PPP2R2B: variants seen among roughly 807,000 people sequenced by gnomAD.
PPP2R2B encodes protein phosphatase 2 regulatory subunit Bbeta, also known as serine/threonine-protein phosphatase 2A 55 kDa regulatory subunit B beta isoform.
A neutral mutation model predicts 46.0 loss-of-function variants in PPP2R2B; 5 were observed. The ratio of observed to expected loss-of-function variants is 0.11; its 90% CI spans 0.06 to 0.23. The LOEUF (loss-of-function observed/expected upper bound fraction) is 0.23, where lower values mean the gene tolerates loss of function less well. Among genes scored for constraint, PPP2R2B ranks in the 10% least tolerant of loss-of-function variants. The pLI is 1.00. For missense variants in PPP2R2B, 367 were observed against 575.0 expected, an observed-to-expected ratio of 0.64 and a Z score of 3.70; for synonymous variants, 215 against 206.7, an observed-to-expected ratio of 1.04 and a Z score of -0.34.
At chr5:146,928,141 T>C (rs2915833) in intron 1 of PPP2R2B, among the ~76,000 whole-genome samples, 25,458 of 152,106 alleles carry the variant, frequency 0.17, 2,347 homozygotes, top group East Asian at 0.27. Flanking sequence ...GGAACATGTC[T>C]TTTTTTACTT....
At chr5:146,707,597 ATGGTGGAGG>A in intron 2 of PPP2R2B, 1 of 670,940 alleles carries the variant, frequency 1.5e-6, no homozygotes. Flanking sequence ...CCTGATGGAC[ATGGTGGAGG>A]CAGGAGTGGA....
At chr5:146,995,760 GA>G (rs1382242376) in intron 1 of PPP2R2B, among the ~76,000 whole-genome samples, 1 of 152,186 alleles carries the variant, frequency 6.6e-6, no homozygotes, top group African/African-American at 2.4e-5. Flanking sequence ...AGTAAGACCA[GA>G]ACAGGGGAAA....
chr5:146,942,290 G>T (rs996528004), intron 1 of PPP2R2B, among the ~76,000 whole-genome samples: 2 of 152,120 alleles, frequency 1.3e-5, no homozygotes, highest in African/African-American at 4.8e-5. Flanking sequence ...GTATAAAGAA[G>T]AAATTAAAAA....
intron 1 of PPP2R2B, among the ~76,000 whole-genome samples, chr5:147,045,208 C>T (rs1013365413): frequency 1.3e-5 from 2 of 152,036 alleles, no homozygotes; most frequent in Non-Finnish European, 2.9e-5. Flanking sequence ...TTTGTGTGTC[C>T]CACCCCTTAA....
intron 2 of PPP2R2B, among the ~76,000 whole-genome samples, chr5:146,736,018 G>A (rs916658364): frequency 2.0e-5 from 3 of 152,238 alleles, no homozygotes; most frequent in Admixed American, 6.5e-5. Flanking sequence ...TAATCCCCAC[G>A]TGTTATGGGA....
chr5:146,704,561 C>T (rs995586351), intron 2 of PPP2R2B, among the ~76,000 whole-genome samples: 4 of 152,110 alleles, frequency 2.6e-5, no homozygotes, highest in Non-Finnish European at 5.9e-5. Context: ...AAACAAAAGC[C>T]AGAAACAGCT....
chr5:146,785,964 A>G (rs1582099426), intron 2 of PPP2R2B, among the ~76,000 whole-genome samples: 1 of 152,164 alleles, frequency 6.6e-6, no homozygotes, highest in African/African-American at 2.4e-5. Flanking sequence ...AGTGTTCGAT[A>G]GCACAGTAGG....
In PPP2R2B at chr5:146,580,788, A is replaced by G. The variant is rs113796744; in HGVS notation, c.*9159T>C. Among the ~76,000 whole-genome samples, 980 of 151,922 alleles carry G rather than the reference A, an allele frequency of 6.5e-3. 4 individuals carry two copies. The highest frequency in any genetic ancestry group is 0.022 in the African/African-American group (929 of 41,414). Reference sequence around the variant, plus strand: ...GAATGCTAGATAACATGGAAAAGCTATAATTACTGTTCTTGGTGAAGCCTC... The same window carrying G: ...GAATGCTAGATAACATGGAAAAGCTGTAATTACTGTTCTTGGTGAAGCCTC... On this transcript the variant is annotated 3_prime_UTR_variant, in exon 10 of 10. Transcript: ENST00000394411.
intron 5 of PPP2R2B, among the ~76,000 whole-genome samples, chr5:146,680,288 C>T (rs1166242802): frequency 9.4e-5 from 14 of 149,046 alleles, no homozygotes; most frequent in East Asian, 6.0e-4. Flanking sequence ...AGTAAACTAT[C>T]GCAAGAACAA....
At chr5:146,592,614 G>C (rs1770766973) in intron 9 of PPP2R2B, among the ~76,000 whole-genome samples, 1 of 152,252 alleles carries the variant, frequency 6.6e-6, no homozygotes, top group African/African-American at 2.4e-5. Flanking sequence ...GATCTGGAAA[G>C]CCTACTTGGC....
intron 5 of PPP2R2B, among the ~76,000 whole-genome samples, chr5:146,670,048 C>A (rs569128919): frequency 6.6e-6 from 1 of 152,254 alleles, no homozygotes; most frequent in East Asian, 1.9e-4. Context: ...AATTATGACA[C>A]TTTTATATCT....
At chr5:146,989,291 C>A (rs1419243706) in intron 1 of PPP2R2B, among the ~76,000 whole-genome samples, 9 of 151,868 alleles carry the variant, frequency 5.9e-5, no homozygotes, top group Admixed American at 5.9e-4. Flanking sequence ...GACAAGGACA[C>A]AACAAAAAAG....
rs1417686897 is a variant in PPP2R2B at position 146,600,386 on chromosome 5, A to G, written c.865T>C (p.Phe289Leu). 3.1e-6 allele frequency: 5 copies of G among 1,613,984 alleles called. No individual in the cohort carries two copies. Among genetic ancestry groups the G allele is most frequent in the Non-Finnish European group, 4.2e-6 (5 of 1,179,938 alleles). Reference protein sequence around the residue: ...EIISSISDVKFSHSGRYIMTR... With the variant: ...EIISSISDVKLSHSGRYIMTR... ...ATGATATACCTCCCACTGTGGCTGA[A>G]CTTCACATCCGAAATCGAAGAGATA... Residue 289 changes from phenylalanine (F) to leucine (L), a missense_variant, in exon 8 of 10, where the codon TTC becomes CTC. By Grantham distance (22) the Phe-to-Leu change is conservative. Around this residue, in one of 2 missense-constraint regions of PPP2R2B, gnomAD observed 361 missense variants for 545.5 expected, o/e 0.66. Transcript: ENST00000394411.
chr5:146,754,812 G>A (rs935174607), intron 2 of PPP2R2B, among the ~76,000 whole-genome samples: 2 of 152,132 alleles, frequency 1.3e-5, no homozygotes, highest in African/African-American at 4.8e-5. Context: ...GAAGACTCCA[G>A]GCAACAGCTG....
In PPP2R2B at chr5:146,983,397, G is replaced by A. The variant is rs560125351; in HGVS notation, c.79+72268C>T. On this transcript the variant is annotated intron_variant, in intron 1 of 8. Transcript: ENST00000336640. ...GGGTTTCACCATGTTAGCCAGGATG[G>A]TCTTGATCTCCTGACCTCGTGATCT... Among the ~76,000 whole-genome samples the A allele has an allele frequency of 2.0e-5, 3 of 152,084 alleles. No homozygotes were observed. The East Asian group carries it at 5.8e-4, about 29-fold the overall frequency.
intron 2 of PPP2R2B, among the ~76,000 whole-genome samples, chr5:146,757,133 G>A (rs1753882748): frequency 6.6e-6 from 1 of 152,094 alleles, no homozygotes; most frequent in Admixed American, 6.6e-5. Context: ...AGAGAGCATG[G>A]CAAGTGTGAG....
intron 5 of PPP2R2B, among the ~76,000 whole-genome samples, chr5:146,672,705 C>T (rs942504245): frequency 2.0e-5 from 3 of 152,188 alleles, no homozygotes; most frequent in East Asian, 1.9e-4. Context: ...ACCTCCCTCC[C>T]TCTATAAGTA....
chr5:146,841,228 C>A (rs977043947), intron 2 of PPP2R2B, among the ~76,000 whole-genome samples: 8 of 152,180 alleles, frequency 5.3e-5, no homozygotes, highest in African/African-American at 1.9e-4. Context: ...TGTAGTTCTG[C>A]ATGAACTGCT....
In PPP2R2B at chr5:147,005,845, AAC is replaced by A. The variant is rs200234993; in HGVS notation, c.79+49818_79+49819del. Among the ~76,000 whole-genome samples the A allele has an allele frequency of 7.4e-3, 1,126 of 152,300 alleles. 12 individuals carry two copies. The highest frequency in any genetic ancestry group is 0.026 in the African/African-American group (1,077 of 41,552). The stretch of plus-strand genomic sequence containing the variant: ...AGAGAAAGAGAAATAGTAAATAAAA[AAC>A]AGTGTACCCTATTCCTTTAAAAGCC... On this transcript the variant is annotated intron_variant, in intron 1 of 8. Transcript: ENST00000336640.
Sources: gnomAD v4.1 joint callset for allele counts (sites outside exome capture counted in the v4.1 genomes callset) on GRCh38, gnomAD v4.1.1 for gene constraint, gnomAD v4.1.1 regional missense constraint, MANE v1.5 for transcripts, NCBI Gene and HGNC (gene_info 2026-07-23, HGNC 2026-07-21) for gene names.